The following CLTCL1 variants were observed in gnomAD, a reference collection of about 807,000 sequenced individuals.
CLTCL1 encodes the protein clathrin heavy chain like 1.
A neutral mutation model predicts 190.0 loss-of-function variants in CLTCL1; 159 were observed. The ratio of observed to expected loss-of-function variants is 0.84; its 90% CI spans 0.74 to 0.95. CLTCL1 has a LOEUF of 0.95. Among genes scored for constraint, CLTCL1 ranks in the 40% least tolerant of loss-of-function variants. CLTCL1 has a pLI of 0.00. For synonymous variants in CLTCL1, 752 were observed against 769.6 expected (o/e 0.98, Z 0.38); for missense variants, 1,878 against 2,033.4 (o/e 0.92, Z 1.47).
chr22:19,244,356 T>C (rs1555967069), intron 3 of CLTCL1, among the ~76,000 whole-genome samples: 2 of 152,230 alleles, frequency 1.3e-5, no homozygotes, highest in Non-Finnish European at 2.9e-5. Flanking sequence ...GCATATTGTC[T>C]GATTCCACCT....
chr22:19,211,423 A>G (rs2085216230), intron 19 of CLTCL1, among the ~76,000 whole-genome samples: 1 of 152,124 alleles, frequency 6.6e-6, no homozygotes, highest in Admixed American at 6.6e-5. Context: ...AAAGAAACAA[A>G]AAGTTTCTTT....
intron 2 of CLTCL1, among the ~76,000 whole-genome samples, chr22:19,260,723 G>A (rs1180648102): frequency 7.1e-6 from 1 of 141,602 alleles, no homozygotes; most frequent in Non-Finnish European, 1.5e-5. Context: ...AGGTTGCGGT[G>A]AGCCAATATC....
At chr22:19,234,283 A>G (rs1001310684) in intron 7 of CLTCL1, among the ~76,000 whole-genome samples, 5 of 152,230 alleles carry the variant, frequency 3.3e-5, no homozygotes, top group Non-Finnish European at 5.9e-5. Flanking sequence ...AGAGGTACGT[A>G]TGCACACAAA....
chr22:19,243,930 G>A (rs895474692), intron 3 of CLTCL1, among the ~76,000 whole-genome samples: 15 of 151,900 alleles, frequency 9.9e-5, no homozygotes, highest in Non-Finnish European at 2.1e-4. Context: ...ATATCCTGAC[G>A]TCGTGATCTG....
At chr22:19,239,599 C>T (rs944578684) in intron 4 of CLTCL1, among the ~76,000 whole-genome samples, 12 of 152,220 alleles carry the variant, frequency 7.9e-5, no homozygotes, top group African/African-American at 2.4e-5. Context: ...CACAAAGGGC[C>T]AATGCCAGGC....
At chr22:19,196,767 G>GA (rs1555936148) in intron 24 of CLTCL1, 111 bp from the exon 25 acceptor site, 2 of 1,243,716 alleles carry the variant, frequency 1.6e-6, no homozygotes, top group Non-Finnish European at 2.2e-6. Flanking sequence ...GAATGATCCC[G>GA]AGGAGGCATG....
At chr22:19,203,120 G>A (rs1333530063) in intron 22 of CLTCL1, among the ~76,000 whole-genome samples, 1 of 152,180 alleles carries the variant, frequency 6.6e-6, no homozygotes, top group Non-Finnish European at 1.5e-5. Context: ...TTTGAGACCA[G>A]CCTGGCCAAT....
At chr22:19,222,470 A>G (rs2085604599) in intron 15 of CLTCL1, among the ~76,000 whole-genome samples, 1 of 152,176 alleles carries the variant, frequency 6.6e-6, no homozygotes, top group African/African-American at 2.4e-5. Context: ...CTGATCATGG[A>G]CTTCCAGCTT....
At position 19,219,961 on chromosome 22, in the gene CLTCL1, A is replaced by G. The variant is rs200181618; in HGVS notation, c.2843T>C (p.Val948Ala). 4 of 1,613,900 alleles carry G rather than the reference A, an allele frequency of 2.5e-6. No homozygotes were observed. The Admixed American group carries it at 6.7e-5, about 27-fold the overall frequency. ...CCAGAGCTCCGGATCCTTTCTGCAT[A>G]CCAGGTAGCGGGCCTCGCTTTTGAA... ...SLFKSEARYL[V>A]CRKDPELWAH... The change falls in exon 18 of 33, where the codon GTA (valine) becomes GCA (alanine). Residue 948 changes from valine (V) to alanine (A), a missense_variant. By Grantham distance (64) the Val-to-Ala change is moderately conservative. Transcript: ENST00000427926.
At chr22:19,258,538 T>A (rs568354894) in intron 2 of CLTCL1, 13 of 567,570 alleles carry the variant, frequency 2.3e-5, no homozygotes, top group Non-Finnish European at 4.3e-5. Context: ...CTCAACAGGG[T>A]CCTACTGTAC....
intron 3 of CLTCL1, among the ~76,000 whole-genome samples, chr22:19,245,350 T>C (rs1398486804): frequency 6.6e-6 from 1 of 152,018 alleles, no homozygotes; most frequent in South Asian, 2.1e-4. Context: ...CGTGCAAGCA[T>C]GCCTGGCTAA....
chr22:19,232,687 T>G (rs1454590398), intron 9 of CLTCL1, 89 bp from the exon 10 acceptor site: 4 of 1,491,580 alleles, frequency 2.7e-6, no homozygotes, highest in Non-Finnish European at 3.6e-6. Flanking sequence ...TTTAAACTCG[T>G]GTTAACAAAG....
intron 24 of CLTCL1, among the ~76,000 whole-genome samples, chr22:19,197,269 T>C (rs1283360071): frequency 6.6e-6 from 1 of 152,090 alleles, no homozygotes; most frequent in Non-Finnish European, 1.5e-5. Flanking sequence ...CTCACACCTC[T>C]TGTTTTCCCA....
intron 3 of CLTCL1, among the ~76,000 whole-genome samples, chr22:19,243,697 C>CTTTTTTTT (rs1175325908): frequency 1.0e-3 from 110 of 107,892 alleles, no homozygotes; most frequent in Non-Finnish European, 1.3e-3. Flanking sequence ...TTCTTTCTTT[C>CTTTTTTTT]TTTTTTTTTT....
At chr22:19,190,758 G>A (rs1031779275) in intron 27 of CLTCL1, among the ~76,000 whole-genome samples, 2 of 151,810 alleles carry the variant, frequency 1.3e-5, no homozygotes, top group Non-Finnish European at 2.9e-5. Flanking sequence ...CTCAATGCAG[G>A]GTTACAAACC....
chr22:19,287,841 C>G (rs1482993690), intron 1 of CLTCL1, among the ~76,000 whole-genome samples: 1 of 152,142 alleles, frequency 6.6e-6, no homozygotes, highest in Non-Finnish European at 1.5e-5. Flanking sequence ...TTTGAGGAAC[C>G]TGCTGACCAT....
At chr22:19,223,260 T>G (rs957270252) in intron 14 of CLTCL1, among the ~76,000 whole-genome samples, 1 of 152,126 alleles carries the variant, frequency 6.6e-6, no homozygotes, top group Admixed American at 6.5e-5. Context: ...CCTCCCCTCA[T>G]GTGGTCCCGT....
Position 19,226,208 on chromosome 22 carries a change from G to A in CLTCL1, c.1947+11C>T, listed in dbSNP as rs368178005. ...ACAGCCATAATAGGAGTGCCCAGGGGTACACAGTACCTCGGGATTGAGGAG... is the reference window on the plus strand; with the variant it reads ...ACAGCCATAATAGGAGTGCCCAGGGATACACAGTACCTCGGGATTGAGGAG... On this transcript the variant is annotated intron_variant, in intron 12 of 32. Transcript: ENST00000427926. The A allele has an allele frequency of 6.2e-7, 1 of 1,612,872 alleles. No homozygotes were observed. The highest frequency in any genetic ancestry group is 8.5e-7 in the Non-Finnish European group (1 of 1,179,518).
chr22:19,269,586 G>A (rs1192212011), intron 2 of CLTCL1, among the ~76,000 whole-genome samples: 2 of 152,124 alleles, frequency 1.3e-5, no homozygotes, highest in Non-Finnish European at 2.9e-5. Flanking sequence ...TACACACCAC[G>A]GAATACTATG....
Sources: allele counts gnomAD v4.1 joint callset (sites outside exome capture counted in the v4.1 genomes callset), GRCh38; gene constraint gnomAD v4.1.1; transcripts MANE v1.5; gene names NCBI Gene and HGNC (gene_info 2026-07-23, HGNC 2026-07-21).